The following DTNBP1 variants were observed in gnomAD, a reference collection of about 807,000 sequenced individuals.
DTNBP1 encodes the protein dysbindin.
Under a neutral mutation model 42.8 loss-of-function variants are expected in DTNBP1, and 35 were observed. The ratio of observed to expected loss-of-function variants is 0.82; its 90% CI spans 0.63 to 1.09. The LOEUF (loss-of-function observed/expected upper bound fraction) is 1.09. Among genes scored for constraint, DTNBP1 ranks in the 50% least tolerant of loss-of-function variants. The pLI is 0.00. For synonymous variants in DTNBP1, 171 were observed against 162.2 expected (o/e 1.05, Z -0.41); for missense variants, 457 against 424.2 (o/e 1.08, Z -0.68).
intron 8 of DTNBP1, among the ~76,000 whole-genome samples, chr6:15,529,076 G>A (rs1772627872): frequency 6.6e-6 from 1 of 152,226 alleles, no homozygotes; most frequent in African/African-American, 2.4e-5. Context: ...CTCGGGCCAA[G>A]GAGTTCGAGA....
intron 9 of DTNBP1, 188 bp downstream of exon 9, chr6:15,524,338 A>G (rs774681513): frequency 1.9e-6 from 3 of 1,612,422 alleles, no homozygotes; most frequent in South Asian, 1.1e-5. Flanking sequence ...AGAATTCATG[A>G]CGGAACCACA....
chr6:15,601,155 T>C (rs76028305), intron 6 of DTNBP1, among the ~76,000 whole-genome samples: 8,955 of 152,312 alleles, frequency 0.059, 410 homozygotes, highest in African/African-American at 0.12. Flanking sequence ...TAAATAAAGA[T>C]TGATTTGTCA....
intron 6 of DTNBP1, among the ~76,000 whole-genome samples, chr6:15,599,018 C>A (rs1776620760): frequency 6.6e-6 from 1 of 152,004 alleles, no homozygotes; most frequent in African/African-American, 2.4e-5. Context: ...GATATGGTAA[C>A]AAAGCCTGGA....
intron 7 of DTNBP1, among the ~76,000 whole-genome samples, chr6:15,579,586 T>C (rs1581352000): frequency 1.3e-5 from 2 of 152,252 alleles, no homozygotes; most frequent in Admixed American, 1.3e-4. Context: ...GGGCAGATCA[T>C]CTGAGGTTAG....
intron 7 of DTNBP1, among the ~76,000 whole-genome samples, chr6:15,558,940 G>C (rs924238563): frequency 2.6e-5 from 4 of 152,284 alleles, no homozygotes; most frequent in Admixed American, 2.0e-4. Context: ...CTCACTTTAT[G>C]TGTTTTTGCT....
intron 7 of DTNBP1, among the ~76,000 whole-genome samples, chr6:15,591,117 T>C (rs1039150521): frequency 6.6e-6 from 1 of 151,698 alleles, no homozygotes; most frequent in Non-Finnish European, 1.5e-5. Flanking sequence ...GTACTTTTTT[T>C]TTTTTTTTTG....
chr6:15,639,515 C>A (rs913416984), intron 3 of DTNBP1, among the ~76,000 whole-genome samples: 1 of 152,120 alleles, frequency 6.6e-6, no homozygotes, highest in Non-Finnish European at 1.5e-5. Context: ...TCTGAATAAT[C>A]CAGGTGATAC....
chr6:15,524,588 T>C lies in DTNBP1; in HGVS notation c.749A>G (p.Glu250Gly), dbSNP rs1190864543. ...QMDLMDISDQEALDVFLNSGG... is the reference protein window; with the variant it reads ...QMDLMDISDQGALDVFLNSGG... ...AGAGTTCAGGAAGACGTCCAGGGCC[T>C]CCTGGTCCGATATGTCCATCAGGTC... The change falls in exon 9 of 10, where the codon GAG (glutamate) becomes GGG (glycine). Residue 250 changes from glutamate to glycine, a missense_variant. By Grantham distance (98) the Glu-to-Gly change is moderately conservative. Transcript: ENST00000344537. 1 of 1,613,362 alleles carries C rather than the reference T, an allele frequency of 6.2e-7. No homozygotes were observed. Among genetic ancestry groups the C allele is most frequent in the Non-Finnish European group, 8.5e-7 (1 of 1,179,620 alleles).
intron 3 of DTNBP1, among the ~76,000 whole-genome samples, chr6:15,638,828 T>C (rs1033449022): frequency 2.8e-5 from 4 of 142,644 alleles, no homozygotes; most frequent in African/African-American, 1.1e-4. Flanking sequence ...TGAAACATAA[T>C]TGGCCAGTAC....
rs561962619 is a variant in DTNBP1 at position 15,524,226 on chromosome 6, A to G, written c.811+300T>C. ...CAAACGCCAGTCCTTAACCACAAGGAGCAGACTCAAATGGATTTCTGGGTG... is the reference window on the plus strand; with the variant it reads ...CAAACGCCAGTCCTTAACCACAAGGGGCAGACTCAAATGGATTTCTGGGTG... On this transcript the variant is annotated intron_variant, in intron 9 of 9. Coordinates refer to ENST00000344537, the MANE Select transcript of DTNBP1 (RefSeq NM_032122.5). 4 of 1,546,164 alleles carry G rather than the reference A, an allele frequency of 2.6e-6. No homozygotes were observed. In the East Asian group the frequency reaches 9.8e-5, roughly 38 times the overall value.
At chr6:15,645,220 C>T (rs944466448) in intron 3 of DTNBP1, among the ~76,000 whole-genome samples, 9 of 151,824 alleles carry the variant, frequency 5.9e-5, no homozygotes, top group Non-Finnish European at 1.3e-4. Context: ...ACCTTCCAGA[C>T]TGAACCAGAA....
chr6:15,591,853 G>A (rs1313468783), intron 7 of DTNBP1, among the ~76,000 whole-genome samples: 2 of 152,136 alleles, frequency 1.3e-5, no homozygotes, highest in African/African-American at 4.8e-5. Flanking sequence ...AGAAAAGAAT[G>A]AGAAGGAAAA....
intron 9 of DTNBP1, chr6:15,524,002 AGCCCATATTT>A (rs1561931195): frequency 1.6e-6 from 2 of 1,288,438 alleles, no homozygotes; most frequent in Middle Eastern, 3.3e-4. Flanking sequence ...CTGGCACCTC[AGCCCATATTT>A]GCTGCATGAA....
chr6:15,522,860 T>C lies in DTNBP1; in HGVS notation c.*115A>G, dbSNP rs1771992042. The stretch of plus-strand genomic sequence containing the variant: ...TGTTCTTTAAGTTTCTCACACATTA[T>C]TGGCAATTATGTAAAAATCAAGAAC... On this transcript the variant is annotated 3_prime_UTR_variant, in exon 10 of 10. Transcript: ENST00000344537. 7.7e-6 allele frequency: 12 copies of C among 1,559,196 alleles called. No homozygotes were observed. The highest frequency in any genetic ancestry group is 2.1e-4 in the Middle Eastern group (1 of 4,816).
chr6:15,585,626 A>G, intron 7 of DTNBP1: 1 of 1,416,698 alleles, frequency 7.1e-7, no homozygotes, highest in Non-Finnish European at 9.5e-7. Flanking sequence ...TATCATCTGC[A>G]TACCATGCAA....
At chr6:15,633,780 G>A (rs543531188) in intron 4 of DTNBP1, among the ~76,000 whole-genome samples, 1 of 151,882 alleles carries the variant, frequency 6.6e-6, no homozygotes, top group Non-Finnish European at 1.5e-5. Context: ...TGATCAGTCG[G>A]CAGCTATAAA....
intron 7 of DTNBP1, among the ~76,000 whole-genome samples, chr6:15,574,663 C>T (rs886642413): frequency 2.0e-5 from 3 of 152,184 alleles, no homozygotes; most frequent in African/African-American, 7.2e-5. Flanking sequence ...GCAAGCTGTT[C>T]CGCTCAAATG....
At position 15,587,633 on chromosome 6, in the gene DTNBP1, G is replaced by A; in HGVS notation, c.511+5426C>T. On this transcript the variant is annotated intron_variant, in intron 7 of 9. Transcript: ENST00000344537. This position sits in a 1 kb window ranked among gnomAD's most constrained non-coding sequence, Gnocchi z 4.1. ...ACAAAGGTGCCAAAGCAATTCAATG[G>A]GGAAAAGAAGCTCTTTTCAAAAAAT... 6.6e-6 allele frequency among the ~76,000 whole-genome samples: 1 copy of A among 152,132 alleles called. No homozygotes were observed. The highest frequency in any genetic ancestry group is 1.9e-4 in the East Asian group (1 of 5,196).
chr6:15,523,117 G>A lies in DTNBP1; in HGVS notation c.914C>T (p.Ser305Leu), dbSNP rs79262298. 11 of 1,614,246 alleles carry A rather than the reference G, an allele frequency of 6.8e-6. No homozygotes were observed. The highest frequency in any genetic ancestry group is 5.3e-5 in the African/African-American group (4 of 75,076). ...PPSSSSTCTD[S>L]ATRDISEGGE... ...ACCCTCACTGATGTCCCGGGTGGCC[G>A]AGTCGGTGCAGGTGGAGGAAGAAGA... The change falls in exon 10 of 10, where the codon TCG (serine) becomes TTG (leucine). Residue 305 changes from serine to leucine, a missense_variant. Coordinates refer to ENST00000344537, the MANE Select transcript of DTNBP1 (RefSeq NM_032122.5).
Sources: allele counts gnomAD v4.1 joint callset (sites outside exome capture counted in the v4.1 genomes callset), GRCh38; gene constraint gnomAD v4.1.1; non-coding constraint Gnocchi (gnomAD v3.1); transcripts MANE v1.5; gene names NCBI Gene and HGNC (gene_info 2026-07-23, HGNC 2026-07-21).